The following MYO3B variants were observed in gnomAD, a reference collection of about 807,000 sequenced individuals.
MYO3B encodes the protein myosin IIIB, also known as myosin-IIIb.
Under a neutral mutation model 174.6 loss-of-function variants are expected in MYO3B, and 156 were observed. That is an observed-to-expected ratio of 0.89 (90% CI 0.78 to 1.02). MYO3B has a LOEUF of 1.02. Ranked by LOEUF, MYO3B falls within the 50% of genes least tolerant of loss-of-function variation. MYO3B has a pLI of 0.00. For missense variants in MYO3B, 1,632 were observed against 1,639.4 expected, an observed-to-expected ratio of 1.00 and a Z score of 0.08; for synonymous variants, 563 against 569.1, an observed-to-expected ratio of 0.99 and a Z score of 0.15.
intron 7 of MYO3B, among the ~76,000 whole-genome samples, chr2:170,298,041 T>A (rs1265915022): frequency 6.6e-6 from 1 of 152,202 alleles, no homozygotes; most frequent in African/African-American, 2.4e-5. Context: ...GACTTATATA[T>A]GTGTATATTT....
chr2:170,227,482 A>T (rs2092964744), intron 6 of MYO3B, among the ~76,000 whole-genome samples: 1 of 148,794 alleles, frequency 6.7e-6, no homozygotes, highest in Non-Finnish European at 1.5e-5. Context: ...ACAGGGTTCC[A>T]TCATGTTGCC....
chr2:170,526,037 C>A (rs1688978389), intron 30 of MYO3B, among the ~76,000 whole-genome samples: 2 of 152,104 alleles, frequency 1.3e-5, no homozygotes, highest in Non-Finnish European at 2.9e-5. Flanking sequence ...GGAATAGTAG[C>A]CTTCTCTGAT....
At chr2:170,338,604 T>G (rs1451800842) in intron 8 of MYO3B, among the ~76,000 whole-genome samples, 3 of 152,136 alleles carry the variant, frequency 2.0e-5, no homozygotes, top group East Asian at 1.9e-4. Context: ...ACTTTCTTTT[T>G]TTTGTTTGTT....
At position 170,572,298 on chromosome 2, in the gene MYO3B, G is replaced by A. The variant is rs573822679; in HGVS notation, c.3733+28310G>A. ...CAAAAATTAGCTGGGTGTGGTGGCGGGTGCCTATAATCCCAGCTACTCAGG... is the reference window on the plus strand; with the variant it reads ...CAAAAATTAGCTGGGTGTGGTGGCGAGTGCCTATAATCCCAGCTACTCAGG... On this transcript the variant is annotated intron_variant, in intron 32 of 34. Coordinates refer to ENST00000408978, the MANE Select transcript of MYO3B (RefSeq NM_138995.5). Among the ~76,000 whole-genome samples, 4 of 151,778 alleles carry A rather than the reference G, an allele frequency of 2.6e-5. No individual in the cohort carries two copies. In the East Asian group the frequency reaches 7.8e-4, roughly 29 times the overall value.
intron 30 of MYO3B, among the ~76,000 whole-genome samples, chr2:170,534,298 T>G (rs1316759034): frequency 2.0e-5 from 3 of 152,216 alleles, no homozygotes; most frequent in African/African-American, 7.2e-5. Flanking sequence ...AGTGTAAAAA[T>G]TATATGCACT....
chr2:170,366,090 G>A lies in MYO3B; in HGVS notation c.816-3132G>A, dbSNP rs112941945. Among the ~76,000 whole-genome samples, 1,517 of 152,204 alleles carry A rather than the reference G, an allele frequency of 1.0e-2. 20 individuals are homozygous for A. The highest frequency in any genetic ancestry group is 0.033 in the African/African-American group (1,385 of 41,518). On this transcript the variant is annotated intron_variant, in intron 8 of 34. Transcript: ENST00000408978. ...TTTTGCATGCAGTGGTGGTTCTTCT[G>A]TCCAGCACATGGCTACTGCATCATC...
At position 170,512,618 on chromosome 2, in the gene MYO3B, C is replaced by G. The variant is rs536258162; in HGVS notation, c.3371-2303C>G. ...TGTCCTTTGGGTGGGTCACTAAATG[C>G]CAGGCCAGGCCAGAGCCTCTTTCTG... On this transcript the variant is annotated intron_variant, in intron 28 of 34. Coordinates refer to ENST00000408978, the MANE Select transcript of MYO3B (RefSeq NM_138995.5). 3.3e-4 allele frequency among the ~76,000 whole-genome samples: 51 copies of G among 152,274 alleles called. No homozygotes were observed. In the South Asian group the frequency reaches 0.01, roughly 30 times the overall value.
At chr2:170,552,618 A>G (rs1690995420) in intron 32 of MYO3B, among the ~76,000 whole-genome samples, 1 of 152,242 alleles carries the variant, frequency 6.6e-6, no homozygotes, top group Admixed American at 6.5e-5. Flanking sequence ...GCAGAGCATA[A>G]AAGTTTGGAA....
At chr2:170,643,728 C>T (rs1698153577) in intron 32 of MYO3B, 1 of 152,206 alleles carries the variant, frequency 6.6e-6, no homozygotes, top group African/African-American at 2.4e-5. Flanking sequence ...TGATGAAGGA[C>T]CACAGGAGGG....
chr2:170,588,772 A>G (rs773098017), intron 32 of MYO3B, among the ~76,000 whole-genome samples: 6 of 152,204 alleles, frequency 3.9e-5, no homozygotes, highest in Non-Finnish European at 7.3e-5. Context: ...TGAGGAAGAC[A>G]CTGAGAAAAC....
At chr2:170,492,699 C>A (rs550147441) in intron 25 of MYO3B, among the ~76,000 whole-genome samples, 2 of 152,274 alleles carry the variant, frequency 1.3e-5, no homozygotes, top group Non-Finnish European at 2.9e-5. Context: ...GTCTCTCCTA[C>A]CTGTCTTCTC....
At chr2:170,542,651 A>G (rs958534332) in intron 30 of MYO3B, among the ~76,000 whole-genome samples, 1 of 152,160 alleles carries the variant, frequency 6.6e-6, no homozygotes, top group Non-Finnish European at 1.5e-5. Flanking sequence ...CCAATCACAC[A>G]ACTTTAAAAG....
At chr2:170,525,616 A>C in intron 30 of MYO3B, among the ~76,000 whole-genome samples, 1 of 152,200 alleles carries the variant, frequency 6.6e-6, no homozygotes, top group Non-Finnish European at 1.5e-5. Flanking sequence ...ATGAGGATTC[A>C]GATTCAGAGT....
At chr2:170,284,681 T>G (rs545059180) in intron 7 of MYO3B, among the ~76,000 whole-genome samples, 1 of 152,306 alleles carries the variant, frequency 6.6e-6, no homozygotes, top group African/African-American at 2.4e-5. Flanking sequence ...CCAAAAAGCT[T>G]AAAAAATAGT....
chr2:170,195,270 G>A (rs2092585969), intron 1 of MYO3B, among the ~76,000 whole-genome samples: 1 of 151,940 alleles, frequency 6.6e-6, no homozygotes, highest in African/African-American at 2.4e-5. Context: ...TTGGCTTTTG[G>A]CATGCCACAC....
chr2:170,546,715 C>A (rs1400826161), intron 32 of MYO3B, among the ~76,000 whole-genome samples: 3 of 152,308 alleles, frequency 2.0e-5, no homozygotes, highest in East Asian at 1.9e-4. Flanking sequence ...ATTTAAGCAA[C>A]ATTTTTAGCA....
chr2:170,625,302 T>C (rs952346265), intron 32 of MYO3B, among the ~76,000 whole-genome samples: 7 of 152,212 alleles, frequency 4.6e-5, no homozygotes, highest in African/African-American at 1.2e-4. Context: ...TGGGAGGGTA[T>C]ATGTGTGGAG....
chr2:170,600,563 T>TA (rs112739275), intron 32 of MYO3B, among the ~76,000 whole-genome samples: 20,430 of 152,206 alleles, frequency 0.13, 1,825 homozygotes, highest in African/African-American at 0.25. Context: ...CCCAATTAAT[T>TA]AAAAATACTT....
At chr2:170,540,304 A>G (rs1258085073) in intron 30 of MYO3B, among the ~76,000 whole-genome samples, 1 of 152,148 alleles carries the variant, frequency 6.6e-6, no homozygotes, top group East Asian at 1.9e-4. Context: ...AGCCTGGGCA[A>G]CAGAGTGCGA....
Sources: allele counts gnomAD v4.1 joint callset (sites outside exome capture counted in the v4.1 genomes callset), GRCh38; gene constraint gnomAD v4.1.1; transcripts MANE v1.5; gene names NCBI Gene and HGNC (gene_info 2026-07-23, HGNC 2026-07-21).